PIK3R4: variants seen among roughly 807,000 people sequenced by gnomAD.
PIK3R4 encodes phosphoinositide 3-kinase regulatory subunit 4.
PIK3R4 carries 46 observed loss-of-function variants against 136.5 expected under a neutral mutation model. That is an observed-to-expected ratio of 0.34 (90% CI 0.27 to 0.43). The LOEUF is 0.43. PIK3R4 is among the 20% of genes least tolerant of loss of function. The pLI is 1.00. For synonymous variants in PIK3R4, 557 were observed against 566.7 expected (o/e 0.98, Z 0.24); for missense variants, 1,331 against 1,649.5 (o/e 0.81, Z 3.35).
At chr3:130,692,663 T>G (rs2066525376) in intron 13 of PIK3R4, among the ~76,000 whole-genome samples, 1 of 152,234 alleles carries the variant, frequency 6.6e-6, no homozygotes, top group Non-Finnish European at 1.5e-5. Flanking sequence ...TATAAATATT[T>G]GTGTATAAGT....
intron 8 of PIK3R4, among the ~76,000 whole-genome samples, chr3:130,717,153 T>A (rs2066669282): frequency 1.3e-5 from 2 of 152,030 alleles, no homozygotes; most frequent in African/African-American, 2.4e-5. Context: ...AAGATTATCT[T>A]CTTTTTTTTC....
chr3:130,708,776 G>C (rs1215373066), intron 9 of PIK3R4, among the ~76,000 whole-genome samples: 2 of 151,754 alleles, frequency 1.3e-5, no homozygotes, highest in African/African-American at 4.8e-5. Context: ...ACTCATCTTT[G>C]GAATTTCCAA....
At chr3:130,729,561 T>C (rs918514481) in intron 5 of PIK3R4, among the ~76,000 whole-genome samples, 4 of 152,152 alleles carry the variant, frequency 2.6e-5, no homozygotes. Context: ...ATTTTCCAAG[T>C]AATTCCATAA....
At chr3:130,691,616 G>C (rs987044647) in intron 13 of PIK3R4, among the ~76,000 whole-genome samples, 2 of 151,844 alleles carry the variant, frequency 1.3e-5, no homozygotes, top group Non-Finnish European at 2.9e-5. Flanking sequence ...ACCTCTAAAA[G>C]GTCAAAAGCC....
chr3:130,736,083 T>G, intron 2 of PIK3R4, 81 bp from the exon 3 acceptor site: 1 of 1,137,828 alleles, frequency 8.8e-7, no homozygotes, highest in Non-Finnish European at 1.2e-6. Flanking sequence ...AGACAGTTCA[T>G]AAAACCCAAA....
At chr3:130,681,738 A>G in intron 16 of PIK3R4, 147 bp from the exon 17 acceptor site, 1 of 565,238 alleles carries the variant, frequency 1.8e-6, no homozygotes, top group South Asian at 2.4e-5. Context: ...ACTTAATAAT[A>G]TTTACTGAGC....
In PIK3R4 at chr3:130,733,520, G is replaced by A. The variant is rs545309131; in HGVS notation, c.1450+28C>T. Reference sequence around the variant, plus strand: ...TCATTAACTTAAAAAATATCTAAGTGGCTAATATTTGGACAATAAACTCTT... The same window carrying A: ...TCATTAACTTAAAAAATATCTAAGTAGCTAATATTTGGACAATAAACTCTT... On this transcript the variant is annotated intron_variant, in intron 4 of 19. Transcript: ENST00000356763. The A allele has an allele frequency of 4.9e-6, 7 of 1,423,380 alleles. No homozygotes were observed. The South Asian group carries it at 5.8e-5, about 12-fold the overall frequency. 88.2% of individuals were successfully genotyped at this position (1,423,380 alleles called of 1,614,324 possible).
At chr3:130,719,786 C>T (rs890881821) in intron 7 of PIK3R4, among the ~76,000 whole-genome samples, 1 of 152,204 alleles carries the variant, frequency 6.6e-6, no homozygotes, top group Middle Eastern at 3.2e-3. Flanking sequence ...GGATACTTCT[C>T]TGCCCCCTTT....
Position 130,679,260 on chromosome 3 carries a change from C to T in PIK3R4, c.*55G>A. The T allele has an allele frequency of 9.0e-7, 1 of 1,109,674 alleles. No homozygotes were observed. The highest frequency in any genetic ancestry group is 1.2e-6 in the Non-Finnish European group (1 of 814,586). 68.7% of individuals were successfully genotyped at this position (1,109,674 alleles called of 1,614,324 possible). A position where few individuals can be genotyped will look rare whatever the true frequency, so the allele number is the denominator to read the frequency against. On this transcript the variant is annotated 3_prime_UTR_variant, in exon 20 of 20. Transcript: ENST00000356763. Reference sequence around the variant, plus strand: ...AATCTGTTCTCTAGAAATGCCTTTTCTCGAGTTATAGTATTATATTTATAA... The same window carrying T: ...AATCTGTTCTCTAGAAATGCCTTTTTTCGAGTTATAGTATTATATTTATAA...
At chr3:130,732,603 CATAA>C (rs2066765137) in intron 4 of PIK3R4, among the ~76,000 whole-genome samples, 2 of 151,690 alleles carry the variant, frequency 1.3e-5, no homozygotes, top group African/African-American at 4.8e-5. Context: ...TTATAGAAAC[CATAA>C]ATAAATAAAT....
intron 11 of PIK3R4, 28 bp downstream of exon 11, chr3:130,706,920 G>A: frequency 1.9e-6 from 3 of 1,560,742 alleles, no homozygotes; most frequent in Non-Finnish European, 1.7e-6. Flanking sequence ...AAGACATTAG[G>A]AGGACTACTG....
chr3:130,691,059 A>G (rs1283952089), intron 13 of PIK3R4, among the ~76,000 whole-genome samples: 1 of 151,980 alleles, frequency 6.6e-6, no homozygotes, highest in Non-Finnish European at 1.5e-5. Context: ...GTGCATCACC[A>G]TGCCTGGCTA....
chr3:130,743,291 C>T lies in PIK3R4; in HGVS notation c.733+1195G>A, dbSNP rs796748614. On this transcript the variant is annotated intron_variant, in intron 2 of 19. Coordinates refer to ENST00000356763, the MANE Select transcript of PIK3R4 (RefSeq NM_014602.3). The stretch of plus-strand genomic sequence containing the variant: ...AAAGTCAACTGGGTGTGGTGGTGCA[C>T]GCCTGCAGTCCCGGCTACACAAAGA... Among the ~76,000 whole-genome samples, 24 of 151,684 alleles carry T rather than the reference C, an allele frequency of 1.6e-4. 1 individual carries two copies. In the South Asian group the frequency reaches 4.2e-3, roughly 26 times the overall value.
intron 2 of PIK3R4, among the ~76,000 whole-genome samples, chr3:130,739,022 G>A (rs1483836378): frequency 2.6e-5 from 4 of 152,158 alleles, no homozygotes; most frequent in Non-Finnish European, 5.9e-5. Context: ...AATGTCAAGC[G>A]ATAAACCGTG....
intron 4 of PIK3R4, among the ~76,000 whole-genome samples, chr3:130,733,158 T>G (rs937190362): frequency 1.3e-5 from 2 of 152,202 alleles, no homozygotes; most frequent in African/African-American, 4.8e-5. Context: ...CTAGCAAAAT[T>G]AATCTTTTTC....
intron 12 of PIK3R4, among the ~76,000 whole-genome samples, chr3:130,704,279 T>C (rs1489179169): frequency 6.6e-6 from 1 of 152,196 alleles, no homozygotes; most frequent in Admixed American, 6.5e-5. Flanking sequence ...ATACACCACT[T>C]ACAAAGACAG....
At chr3:130,686,124 A>C (rs2066488416) in intron 15 of PIK3R4, 87 bp downstream of exon 15, 1 of 778,920 alleles carries the variant, frequency 1.3e-6, no homozygotes, top group Non-Finnish European at 2.2e-6. Flanking sequence ...ACCAATGAAC[A>C]AAGAGGAAAA....
intron 2 of PIK3R4, among the ~76,000 whole-genome samples, chr3:130,736,285 T>C (rs571744129): frequency 2.8e-4 from 43 of 152,226 alleles, no homozygotes; most frequent in African/African-American, 9.1e-4. Context: ...AATGAATGTA[T>C]AGGCCAGATG....
At chr3:130,684,209 A>G (rs1217344850) in intron 16 of PIK3R4, 41 bp downstream of exon 16, 3 of 1,586,948 alleles carry the variant, frequency 1.9e-6, no homozygotes, top group African/African-American at 1.3e-5. Context: ...GTACTTTCCA[A>G]GAAAATCTCC....
Sources: gnomAD v4.1 joint callset for allele counts (sites outside exome capture counted in the v4.1 genomes callset) on GRCh38, gnomAD v4.1.1 for gene constraint, MANE v1.5 for transcripts, NCBI Gene and HGNC (gene_info 2026-07-23, HGNC 2026-07-21) for gene names.